TFDP1: variants seen among roughly 807,000 people sequenced by gnomAD.
TFDP1 encodes the protein transcription factor Dp-1.
TFDP1 carries 6 observed loss-of-function variants against 48.0 expected under a neutral mutation model. The ratio of observed to expected loss-of-function variants is 0.13; its 90% CI spans 0.07 to 0.25. The LOEUF (loss-of-function observed/expected upper bound fraction) is 0.25, where lower values mean the gene tolerates loss of function less well. TFDP1 is among the 10% of genes least tolerant of loss of function. TFDP1 has a pLI of 1.00. For synonymous variants in TFDP1, 201 were observed against 211.6 expected, an observed-to-expected ratio of 0.95 and a Z score of 0.44; for missense variants, 335 against 543.0, an observed-to-expected ratio of 0.62 and a Z score of 3.81.
chr13:113,620,353 G>C (rs538739868), intron 3 of TFDP1, among the ~76,000 whole-genome samples: 92 of 152,384 alleles, frequency 6.0e-4, no homozygotes, highest in Middle Eastern at 3.4e-3. Flanking sequence ...TGGCCTGGCT[G>C]TTCAGGACGG....
In TFDP1 at chr13:113,619,680, G is replaced by A. The variant is rs193063128; in HGVS notation, c.80-3500G>A. Among the ~76,000 whole-genome samples, 43 of 152,140 alleles carry A rather than the reference G, an allele frequency of 2.8e-4. No individual in the cohort carries two copies. In the East Asian group the frequency reaches 8.0e-3, roughly 28 times the overall value. ...CCCTTCTGAAGTGCTGCTCGGGGCC[G>A]GACAGGGGGTATTCACCCTCAGCCT... On this transcript the variant is annotated intron_variant, in intron 3 of 11. Coordinates refer to ENST00000375370, the MANE Select transcript of TFDP1 (RefSeq NM_007111.5).
intron 11 of TFDP1, 59 bp downstream of exon 11, chr13:113,637,955 G>T (rs373266828): frequency 6.3e-7 from 1 of 1,586,634 alleles, no homozygotes; most frequent in African/African-American, 1.3e-5. Context: ...GGGTCCAGGG[G>T]CCAAGGCAGG....
intron 2 of TFDP1, among the ~76,000 whole-genome samples, chr13:113,599,664 G>A (rs929718669): frequency 6.6e-6 from 1 of 152,212 alleles, no homozygotes; most frequent in African/African-American, 2.4e-5. Context: ...CGGCGAGCCT[G>A]CCCTTTTCCC....
chr13:113,586,553 C>A (rs1221743011), intron 2 of TFDP1, among the ~76,000 whole-genome samples: 2 of 152,178 alleles, frequency 1.3e-5, no homozygotes, highest in African/African-American at 4.8e-5. Flanking sequence ...TGTTTCCCAC[C>A]GTGCATCGTT....
chr13:113,600,338 G>C (rs529018276), intron 2 of TFDP1, among the ~76,000 whole-genome samples: 4 of 147,142 alleles, frequency 2.7e-5, no homozygotes, highest in African/African-American at 1.0e-4. Flanking sequence ...AGGACCATGA[G>C]AGAGAACCCT....
In TFDP1 at chr13:113,627,089, T is replaced by A. The variant is rs1398830917; in HGVS notation, c.186+3803T>A. ...GGAATTAAAGCTGACAAAGGGCAAATGTTTCTTAAACCTTTTTATATACCA... is the reference window on the plus strand; with the variant it reads ...GGAATTAAAGCTGACAAAGGGCAAAAGTTTCTTAAACCTTTTTATATACCA... On this transcript the variant is annotated intron_variant, in intron 4 of 11. Transcript: ENST00000375370. The surrounding 1 kb of genome is among the most constrained non-coding windows in gnomAD (Gnocchi z 4.1). Among the ~76,000 whole-genome samples, 1 of 152,224 alleles carries A rather than the reference T, an allele frequency of 6.6e-6. No homozygotes were observed. The highest frequency in any genetic ancestry group is 1.5e-5 in the Non-Finnish European group (1 of 68,038).
intron 2 of TFDP1, among the ~76,000 whole-genome samples, chr13:113,593,484 AG>A (rs2048201530): frequency 7.4e-6 from 1 of 135,878 alleles, no homozygotes; most frequent in African/African-American, 2.8e-5. Flanking sequence ...GCGGGTCCTC[AG>A]CCGTGCCCAG....
At chr13:113,602,207 A>T (rs1845008661) in intron 2 of TFDP1, among the ~76,000 whole-genome samples, 1 of 151,356 alleles carries the variant, frequency 6.6e-6, no homozygotes. Context: ...TACCCGCAGG[A>T]GCTGAGGGAG....
At position 113,627,374 on chromosome 13, in the gene TFDP1, G is replaced by A. The variant is rs931544729; in HGVS notation, c.186+4088G>A. Among the ~76,000 whole-genome samples, 5 of 152,188 alleles carry A rather than the reference G, an allele frequency of 3.3e-5. No individual in the cohort carries two copies. The highest frequency in any genetic ancestry group is 7.4e-5 in the Non-Finnish European group (5 of 68,026). On this transcript the variant is annotated intron_variant, in intron 4 of 11. Transcript: ENST00000375370. The surrounding 1 kb of genome is among the most constrained non-coding windows in gnomAD (Gnocchi z 4.1). The stretch of plus-strand genomic sequence containing the variant: ...CCGGCAGGAGCAGCGGCCTGTGTGA[G>A]CCCCTGGGGAGAAGCAGCCCCCCAC...
intron 4 of TFDP1, among the ~76,000 whole-genome samples, chr13:113,626,455 A>G (rs1365755610): frequency 1.3e-5 from 2 of 152,130 alleles, no homozygotes; most frequent in Admixed American, 1.3e-4. Flanking sequence ...CACAGCCTTG[A>G]GGATCTGAGC....
chr13:113,585,327 C>T (rs887535972), intron 1 of TFDP1: 17 of 151,672 alleles, frequency 1.1e-4, no homozygotes, highest in African/African-American at 4.1e-4. Context: ...CCCCGGAAGC[C>T]CACCTGTCAG....
intron 2 of TFDP1, among the ~76,000 whole-genome samples, chr13:113,589,512 T>C (rs573143429): frequency 1.3e-5 from 2 of 152,210 alleles, no homozygotes; most frequent in Non-Finnish European, 2.9e-5. Flanking sequence ...GGAGACACCC[T>C]GGGAGGTCCG....
intron 2 of TFDP1, among the ~76,000 whole-genome samples, chr13:113,602,739 G>C (rs1177134224): frequency 6.6e-6 from 1 of 152,160 alleles, no homozygotes; most frequent in Non-Finnish European, 1.5e-5. Context: ...GGTCCCCCCT[G>C]AGAAGTGTGC....
At position 113,598,040 on chromosome 13, in the gene TFDP1, GAA is replaced by G. The variant is rs2048327684; in HGVS notation, c.12+12194_12+12195del. The stretch of plus-strand genomic sequence containing the variant: ...TTCAAATGCAGCAGTGACTTCATAA[GAA>G]AAGGGAGTGGAGCCGCCGACATTTC... On this transcript the variant is annotated intron_variant, in intron 2 of 11. Transcript: ENST00000375370. This position sits in a 1 kb window ranked among gnomAD's most constrained non-coding sequence, Gnocchi z 4.2. Among the ~76,000 whole-genome samples, 2 of 152,182 alleles carry G rather than the reference GAA, an allele frequency of 1.3e-5. No homozygotes were observed. The highest frequency in any genetic ancestry group is 4.8e-5 in the African/African-American group (2 of 41,432).
chr13:113,637,642 C>T (rs1302857832), intron 10 of TFDP1, 176 bp from the exon 11 acceptor site: 1 of 1,537,382 alleles, frequency 6.5e-7, no homozygotes, highest in Non-Finnish European at 8.7e-7. Context: ...TATGTGACTG[C>T]ACAGCGGGAT....
intron 2 of TFDP1, among the ~76,000 whole-genome samples, chr13:113,606,251 C>T (rs2048569199): frequency 6.6e-6 from 1 of 152,100 alleles, no homozygotes; most frequent in South Asian, 2.1e-4. Flanking sequence ...TGAGTGTCCG[C>T]AGGGGAGCCT....
intron 2 of TFDP1, among the ~76,000 whole-genome samples, chr13:113,602,614 C>T (rs1415958570): frequency 6.6e-6 from 1 of 152,362 alleles, no homozygotes; most frequent in East Asian, 1.9e-4. Context: ...TTCTTCTCAG[C>T]TCTGCTTACT....
chr13:113,586,691 T>C (rs1380123507), intron 2 of TFDP1, among the ~76,000 whole-genome samples: 4 of 152,198 alleles, frequency 2.6e-5, no homozygotes, highest in African/African-American at 9.6e-5. Context: ...TGTGGAGCCC[T>C]CTCCGTTGGC....
At chr13:113,638,179 T>A (rs2049544969) in intron 11 of TFDP1, among the ~76,000 whole-genome samples, 1 of 152,238 alleles carries the variant, frequency 6.6e-6, no homozygotes, top group African/African-American at 2.4e-5. Context: ...AATCCTCCTG[T>A]CCCCGGCAGC....
Sources: gnomAD v4.1 joint callset for allele counts (sites outside exome capture counted in the v4.1 genomes callset) on GRCh38, gnomAD v4.1.1 for gene constraint, Gnocchi (gnomAD v3.1) non-coding constraint, MANE v1.5 for transcripts, NCBI Gene and HGNC (gene_info 2026-07-23, HGNC 2026-07-21) for gene names.